Variants in GK observed in about 807,000 individuals in gnomAD.
GK encodes the protein ATP:glycerol 3-phosphotransferase.
GK carries 9 observed loss-of-function variants against 56.4 expected under a neutral mutation model. The observed-to-expected ratio is 0.16, with a 90% CI of 0.10 to 0.28. The LOEUF (loss-of-function observed/expected upper bound fraction) is 0.28, where lower values mean the gene tolerates loss of function less well. GK is among the 10% of genes least tolerant of loss of function. The probability of loss-of-function intolerance (pLI) is 1.00; values close to 1 mark genes in which losing one functional copy is unlikely to be tolerated. For missense variants in GK, 161 were observed against 431.4 expected, an observed-to-expected ratio of 0.37 and a Z score of 5.55; for synonymous variants, 104 against 144.1, an observed-to-expected ratio of 0.72 and a Z score of 1.99.
chrX:30,697,708 C>T, intron 8 of GK, 24 bp from the exon 9 acceptor site: 1 of 1,099,388 alleles, frequency 9.1e-7, no homozygotes, highest in Non-Finnish European at 1.3e-6. Context: ...TTCTATCCTT[C>T]TCTCTCCCCC....
chrX:30,661,109 G>C (rs1401291751), intron 1 of GK, among the ~76,000 whole-genome samples: 2 of 111,522 alleles, frequency 1.8e-5, no homozygotes, highest in Non-Finnish European at 3.8e-5. Flanking sequence ...ACAGTGCCCA[G>C]CCTGGATCTT....
intron 4 of GK, among the ~76,000 whole-genome samples, chrX:30,681,731 C>A (rs1167873096): frequency 9.0e-6 from 1 of 111,452 alleles, no homozygotes. Context: ...AAAGAGTGAC[C>A]CTAAGACTTT....
At chrX:30,719,537 T>G in intron 15 of GK, 22 bp downstream of exon 15, 1 of 900,631 alleles carries the variant, frequency 1.1e-6, no homozygotes, top group Non-Finnish European at 1.6e-6. Flanking sequence ...AAATATGGAG[T>G]GCTTTTGGGG....
intron 3 of GK, among the ~76,000 whole-genome samples, chrX:30,669,575 A>T (rs1933340960): frequency 8.9e-6 from 1 of 112,145 alleles, no homozygotes; most frequent in Non-Finnish European, 1.9e-5. Context: ...ATATAATAGC[A>T]TAAAAGGTGG....
chrX:30,726,017 C>G (rs1305285334), intron 19 of GK, among the ~76,000 whole-genome samples: 1 of 110,879 alleles, frequency 9.0e-6, no homozygotes, highest in Non-Finnish European at 1.9e-5. Context: ...CACAGATACA[C>G]AGTTCTCCTC....
At chrX:30,693,011 CTTTTTTTTT>C (rs1184645786) in intron 5 of GK, among the ~76,000 whole-genome samples, 2 of 56,619 alleles carry the variant, frequency 3.5e-5, no homozygotes, top group Non-Finnish European at 6.5e-5. Context: ...TTTTTCTTTT[CTTTTTTTTT>C]TTTTTTTTTT....
rs1229990578 is a variant in GK, at chrX:30,653,425, G to T, written c.-113G>T. On this transcript the variant is annotated 5_prime_UTR_variant, in exon 1 of 21. Coordinates refer to ENST00000427190, the MANE Select transcript of GK (RefSeq NM_001205019.2). The stretch of plus-strand genomic sequence containing the variant: ...GGGCCGCCTCGAGCGCGGTCCGAGC[G>T]TTCAGCGGACGCGCGCGGCCTCGAT... The T allele has an allele frequency of 3.0e-6, 2 of 665,755 alleles. No individual in the cohort carries two copies. The highest frequency in any genetic ancestry group is 2.5e-6 in the Non-Finnish European group (1 of 404,118). 54.9% of individuals were successfully genotyped at this position (665,755 alleles called of 1,213,427 possible).
chrX:30,691,055 G>A, intron 4 of GK, 68 bp from the exon 5 acceptor site: 1 of 607,726 alleles, frequency 1.6e-6, no homozygotes, highest in Admixed American at 2.4e-5. Context: ...ATCCTTGATA[G>A]TGATTTCAGT....
chrX:30,679,634 C>G (rs1475830855), intron 4 of GK, among the ~76,000 whole-genome samples: 1 of 111,604 alleles, frequency 9.0e-6, no homozygotes. Flanking sequence ...CTGTGATGTT[C>G]TTATTTACTT....
chrX:30,688,060 T>C (rs1051116688), intron 4 of GK, among the ~76,000 whole-genome samples: 7 of 112,167 alleles, frequency 6.2e-5, no homozygotes, highest in African/African-American at 2.3e-4. Context: ...TCCAGCCTCC[T>C]TATTTTATAT....
chrX:30,713,412 G>T (rs1490742588), intron 13 of GK, among the ~76,000 whole-genome samples: 3 of 111,738 alleles, frequency 2.7e-5, no homozygotes, highest in Non-Finnish European at 3.8e-5. Context: ...TGTTGTTTCA[G>T]TTTTCTCTTT....
chrX:30,686,252 C>T (rs367637497), intron 4 of GK, among the ~76,000 whole-genome samples: 1 of 112,936 alleles, frequency 8.9e-6, no homozygotes, highest in African/African-American at 3.2e-5. Flanking sequence ...TCTCTTCCAC[C>T]TTGCAAATGA....
chrX:30,695,740 A>C (rs1935204653), intron 6 of GK, among the ~76,000 whole-genome samples: 1 of 112,585 alleles, frequency 8.9e-6, no homozygotes, highest in African/African-American at 3.2e-5. Flanking sequence ...GAGTTTTCTC[A>C]ACATAATAGG....
At chrX:30,702,461 G>A (rs747587777) in intron 11 of GK, among the ~76,000 whole-genome samples, 1 of 112,839 alleles carries the variant, frequency 8.9e-6, no homozygotes, top group South Asian at 3.6e-4. Context: ...TTAGCCAATG[G>A]CTATTGTGTT....
chrX:30,724,536 G>C (rs1276745846), intron 19 of GK: 4 of 246,654 alleles, frequency 1.6e-5, no homozygotes, highest in African/African-American at 2.9e-5. Flanking sequence ...TTACCTTTTT[G>C]GGGGGCTGTC....
chrX:30,716,755 G>A (rs185934237), intron 13 of GK, among the ~76,000 whole-genome samples: 47 of 111,525 alleles, frequency 4.2e-4, no homozygotes, highest in African/African-American at 1.4e-3. Context: ...ACCTAAATAT[G>A]TAAATGTGTC....
chrX:30,703,670 G>C (rs1386111541), intron 11 of GK, among the ~76,000 whole-genome samples: 1 of 111,494 alleles, frequency 9.0e-6, no homozygotes, highest in Admixed American at 9.5e-5. Context: ...TATAAAAATA[G>C]AAATTTTTGG....
At chrX:30,725,125 C>T (rs1006328768) in intron 19 of GK, among the ~76,000 whole-genome samples, 3 of 111,158 alleles carry the variant, frequency 2.7e-5, no homozygotes, top group African/African-American at 3.3e-5. Flanking sequence ...TCAAGTGATC[C>T]GCCCGCCTTG....
chrX:30,667,046 C>T (rs968530947), intron 2 of GK, among the ~76,000 whole-genome samples: 4 of 110,530 alleles, frequency 3.6e-5, no homozygotes, highest in African/African-American at 1.3e-4. Flanking sequence ...CCCAGCTACT[C>T]GGGAGGCTGA....
Sources: allele counts gnomAD v4.1 joint callset (sites outside exome capture counted in the v4.1 genomes callset), GRCh38; gene constraint gnomAD v4.1.1; transcripts MANE v1.5; gene names NCBI Gene and HGNC (gene_info 2026-07-23, HGNC 2026-07-21).